Variants in POLR1B observed in about 807,000 individuals in gnomAD.
POLR1B encodes DNA-directed RNA polymerase I subunit RPA2.
A neutral mutation model predicts 105.8 loss-of-function variants in POLR1B; 30 were observed. The ratio of observed to expected loss-of-function variants is 0.28; its 90% CI spans 0.21 to 0.38. POLR1B has a LOEUF of 0.38. POLR1B is among the 10% of genes least tolerant of loss of function. POLR1B has a pLI of 1.00. For synonymous variants in POLR1B, 485 were observed against 505.1 expected (o/e 0.96, Z 0.53); for missense variants, 976 against 1,435.8 (o/e 0.68, Z 5.17).
At position 112,577,896 on chromosome 2, in the gene POLR1B, C is replaced by CT. The variant is rs1354140038; in HGVS notation, c.*2170dup. The stretch of plus-strand genomic sequence containing the variant: ...AAACCAATTTAATAGAAAAGATAGG[C>CT]TTTGCTTCAGGAAGCTGGTTGAGAA... On this transcript the variant is annotated 3_prime_UTR_variant, in exon 15 of 15. Coordinates refer to ENST00000263331, the MANE Select transcript of POLR1B (RefSeq NM_019014.6). Among the ~76,000 whole-genome samples, 1 of 150,078 alleles carries CT rather than the reference C, an allele frequency of 6.7e-6. No individual in the cohort carries two copies. The highest frequency in any genetic ancestry group is 6.7e-5 in the Admixed American group (1 of 15,034).
intron 1 of POLR1B, among the ~76,000 whole-genome samples, chr2:112,543,680 T>C (rs1375200399): frequency 6.6e-6 from 1 of 152,046 alleles, no homozygotes; most frequent in East Asian, 1.9e-4. Context: ...ATTCGGCAAA[T>C]AATATGGGAG....
chr2:112,577,546 C>T lies in POLR1B; in HGVS notation c.*1817C>T, dbSNP rs1019439366. Among the ~76,000 whole-genome samples the T allele has an allele frequency of 6.6e-6, 1 of 151,980 alleles. No homozygotes were observed. The highest frequency in any genetic ancestry group is 2.4e-5 in the African/African-American group (1 of 41,382). ...CCTGGGTGACAGAGCAGGACCCTGTCTCTATTTTATAAATTAAAAAAGGCT... is the reference window on the plus strand; with the variant it reads ...CCTGGGTGACAGAGCAGGACCCTGTTTCTATTTTATAAATTAAAAAAGGCT... On this transcript the variant is annotated 3_prime_UTR_variant, in exon 15 of 15. Coordinates refer to ENST00000263331, the MANE Select transcript of POLR1B (RefSeq NM_019014.6).
chr2:112,578,338 TC>T lies in POLR1B; in HGVS notation c.*2614del, dbSNP rs1170122587. Among the ~76,000 whole-genome samples the T allele has an allele frequency of 3.3e-5, 5 of 152,134 alleles. No homozygotes were observed. Among genetic ancestry groups the T allele is most frequent in the African/African-American group, 1.2e-4 (5 of 41,440 alleles). ...CCTTTTATAGCCATCTCTACCTCTG[TC>T]CCCCATTTCTAACCCCTGGAAACCA... On this transcript the variant is annotated 3_prime_UTR_variant, in exon 15 of 15. Transcript: ENST00000263331.
chr2:112,564,604 T>A, intron 10 of POLR1B, 105 bp downstream of exon 10: 1 of 1,448,504 alleles, frequency 6.9e-7, no homozygotes, highest in Non-Finnish European at 9.5e-7. Flanking sequence ...GATCAAGTGG[T>A]CAGGGGGTCA....
chr2:112,578,502 C>T lies in POLR1B; in HGVS notation c.*2773C>T, dbSNP rs1266819769. ...AGTTGCATGTATCAATAGTTAATTC[C>T]TTTTTATTGCTACACAGTACTCCAT... On this transcript the variant is annotated 3_prime_UTR_variant, in exon 15 of 15. Transcript: ENST00000263331. Among the ~76,000 whole-genome samples, 2 of 152,078 alleles carry T rather than the reference C, an allele frequency of 1.3e-5. No individual in the cohort carries two copies. Among genetic ancestry groups the T allele is most frequent in the African/African-American group, 4.8e-5 (2 of 41,406 alleles).
chr2:112,546,264 G>A (rs1050406011), intron 1 of POLR1B, among the ~76,000 whole-genome samples: 1 of 152,184 alleles, frequency 6.6e-6, no homozygotes, highest in African/African-American at 2.4e-5. Context: ...GCTTCAGTTT[G>A]ACGTTGCCAT....
At position 112,576,270 on chromosome 2, in the gene POLR1B, G is replaced by A. The variant is rs1684852432; in HGVS notation, c.*541G>A. On this transcript the variant is annotated 3_prime_UTR_variant, in exon 15 of 15. Coordinates refer to ENST00000263331, the MANE Select transcript of POLR1B (RefSeq NM_019014.6). ...ACCTTTGATACCATCACCACAATCAGGGTAATAAACATACCTGTCATCTCC... is the reference window on the plus strand; with the variant it reads ...ACCTTTGATACCATCACCACAATCAAGGTAATAAACATACCTGTCATCTCC... The A allele has an allele frequency of 6.6e-6, 1 of 152,372 alleles. No homozygotes were observed. The highest frequency in any genetic ancestry group is 2.1e-4 in the South Asian group (1 of 4,832). The allele number at this position is 152,372 out of a possible 1,614,324, so 9.4% of individuals were successfully genotyped here.
At chr2:112,549,446 C>G in intron 4 of POLR1B, 47 bp downstream of exon 4, 1 of 1,051,048 alleles carries the variant, frequency 9.5e-7, no homozygotes, top group East Asian at 3.5e-5. Flanking sequence ...AAATTTAAAA[C>G]TTTTTTTTTT....
intron 9 of POLR1B, 97 bp downstream of exon 9, chr2:112,559,671 C>T: frequency 6.9e-7 from 1 of 1,441,512 alleles, no homozygotes; most frequent in Non-Finnish European, 9.5e-7. Flanking sequence ...TGCTATGTCG[C>T]CCAGGCTGGA....
chr2:112,553,195 A>G (rs1389665388), intron 7 of POLR1B, among the ~76,000 whole-genome samples: 1 of 152,336 alleles, frequency 6.6e-6, no homozygotes, highest in Non-Finnish European at 1.5e-5. Flanking sequence ...TTATTCACAT[A>G]CATGAGCAGA....
Position 112,575,730 on chromosome 2 carries a change from C to T in POLR1B, c.*1C>T. 1 of 1,605,412 alleles carries T rather than the reference C, an allele frequency of 6.2e-7. No homozygotes were observed. The highest frequency in any genetic ancestry group is 8.5e-7 in the Non-Finnish European group (1 of 1,175,282). ...CAAAGTGAAACTGGATGTTGTTTAA[C>T]TTGATGTTGACCTTTTGGATTAAGA... is the stretch of plus-strand genomic sequence containing the variant. On this transcript the variant is annotated 3_prime_UTR_variant, in exon 15 of 15. Transcript: ENST00000263331. The surrounding 1 kb of genome is among the most constrained non-coding windows in gnomAD (Gnocchi z 5.3).
At chr2:112,560,378 T>G (rs1344685815) in intron 9 of POLR1B, among the ~76,000 whole-genome samples, 1 of 152,182 alleles carries the variant, frequency 6.6e-6, no homozygotes, top group Non-Finnish European at 1.5e-5. Flanking sequence ...TCTTTGCATT[T>G]CTAAATAGAA....
intron 13 of POLR1B, among the ~76,000 whole-genome samples, chr2:112,573,255 A>G (rs757951733): frequency 1.1e-4 from 17 of 152,096 alleles, no homozygotes; most frequent in Non-Finnish European, 2.4e-4. Flanking sequence ...GGCACCCATC[A>G]CCATGCCTGG....
intron 1 of POLR1B, 169 bp from the exon 2 acceptor site, chr2:112,546,843 G>A (rs1683081110): frequency 1.1e-5 from 7 of 614,302 alleles, no homozygotes; most frequent in South Asian, 6.0e-5. Flanking sequence ...GATTACAGGC[G>A]TGAACCACTG....
chr2:112,557,890 A>G lies in POLR1B; in HGVS notation c.1159-20A>G. ...CTGGCTCACATACTATTTTATATTA[A>G]TTTTTTTTCCTTATTTCAGGAAAAA... On this transcript the variant is annotated intron_variant, in intron 7 of 14. Transcript: ENST00000263331. The G allele has an allele frequency of 2.5e-6, 3 of 1,211,124 alleles. No homozygotes were observed. The highest frequency in any genetic ancestry group is 3.2e-6 in the Non-Finnish European group (3 of 939,700). 75.0% of individuals were successfully genotyped at this position (1,211,124 alleles called of 1,614,324 possible). A position where few individuals can be genotyped will look rare whatever the true frequency, so the allele number is the denominator to read the frequency against.
At position 112,578,936 on chromosome 2, in the gene POLR1B, G is replaced by A. The variant is rs527354127; in HGVS notation, c.*3207G>A. 2.6e-5 allele frequency among the ~76,000 whole-genome samples: 4 copies of A among 152,176 alleles called. No individual in the cohort carries two copies. The highest frequency in any genetic ancestry group is 1.9e-4 in the East Asian group (1 of 5,184). ...GCATAAAGCAAAACTGGCTGGGTGC[G>A]GTGGTGCACACCTGTAATCCCAGGA... On this transcript the variant is annotated 3_prime_UTR_variant, in exon 15 of 15. Transcript: ENST00000263331.
chr2:112,551,897 G>C lies in POLR1B; in HGVS notation c.885G>C (p.Ser295=). Residue 295 remains serine (S), a synonymous_variant, in exon 6 of 15, where the codon TCG becomes TCC. Coordinates refer to ENST00000263331, the MANE Select transcript of POLR1B (RefSeq NM_019014.6). The stretch of plus-strand genomic sequence containing the variant: ...GGATTGTAATGGAAGAGGGTTGTTC[G>C]ACACAAAAACAGGTCCTTAACTACC... The part of the protein sequence containing the change: ...MLRIVMEEGC[S]TQKQVLNYLG... 3 of 1,614,066 alleles carry C rather than the reference G, an allele frequency of 1.9e-6. No individual in the cohort carries two copies. Among genetic ancestry groups the C allele is most frequent in the Non-Finnish European group, 2.5e-6 (3 of 1,179,948 alleles).
chr2:112,566,737 T>C (rs1044500269), intron 10 of POLR1B, among the ~76,000 whole-genome samples: 10 of 79,350 alleles, frequency 1.3e-4, no homozygotes, highest in Non-Finnish European at 2.2e-4. Flanking sequence ...TCATTCCTCT[T>C]TTTTTTTTTT....
At position 112,578,050 on chromosome 2, in the gene POLR1B, C is replaced by G. The variant is rs781465321; in HGVS notation, c.*2321C>G. Among the ~76,000 whole-genome samples, 1 of 152,062 alleles carries G rather than the reference C, an allele frequency of 6.6e-6. No homozygotes were observed. The highest frequency in any genetic ancestry group is 2.4e-5 in the African/African-American group (1 of 41,406). On this transcript the variant is annotated 3_prime_UTR_variant, in exon 15 of 15. Transcript: ENST00000263331. ...TCCCACAGCTGAGGTCTATTGTCAT[C>G]GCTCCACTTCTATTTTTAGCAGCAC... is the stretch of plus-strand genomic sequence containing the variant.
Sources: gnomAD v4.1 joint callset for allele counts (sites outside exome capture counted in the v4.1 genomes callset) on GRCh38, gnomAD v4.1.1 for gene constraint, Gnocchi (gnomAD v3.1) non-coding constraint, MANE v1.5 for transcripts, NCBI Gene and HGNC (gene_info 2026-07-23, HGNC 2026-07-21) for gene names.